SPOCK3: variants seen among roughly 807,000 people sequenced by gnomAD.
The protein encoded by SPOCK3 is testican-3.
Under a neutral mutation model 56.6 loss-of-function variants are expected in SPOCK3, and 30 were observed. The observed-to-expected ratio is 0.53, with a 90% CI of 0.40 to 0.72. The LOEUF is 0.72. SPOCK3 is among the 30% of genes least tolerant of loss of function. The probability of loss-of-function intolerance (pLI) is 0.00; values close to 1 mark genes in which losing one functional copy is unlikely to be tolerated. For missense variants in SPOCK3, 527 were observed against 530.0 expected, an observed-to-expected ratio of 0.99 and a Z score of 0.06; for synonymous variants, 196 against 183.3, an observed-to-expected ratio of 1.07 and a Z score of -0.56.
intron 4 of SPOCK3, among the ~76,000 whole-genome samples, chr4:166,953,633 C>T (rs1386388974): frequency 6.6e-6 from 1 of 152,164 alleles, no homozygotes; most frequent in Non-Finnish European, 1.5e-5. Flanking sequence ...GACACATGCA[C>T]ATGTATGTTT....
intron 6 of SPOCK3, among the ~76,000 whole-genome samples, chr4:166,875,007 C>A (rs1288499771): frequency 6.6e-6 from 1 of 152,086 alleles, no homozygotes; most frequent in Non-Finnish European, 1.5e-5. Context: ...GCTATGCTTA[C>A]ATATGGCTAA....
At chr4:166,977,123 T>C (rs1456022528) in intron 4 of SPOCK3, among the ~76,000 whole-genome samples, 1 of 152,070 alleles carries the variant, frequency 6.6e-6, no homozygotes, top group Admixed American at 6.6e-5. Context: ...TTTAATGCAA[T>C]TAAATGTGGA....
chr4:166,934,477 G>A (rs1013381947), intron 4 of SPOCK3, among the ~76,000 whole-genome samples: 1 of 151,800 alleles, frequency 6.6e-6, no homozygotes, highest in Non-Finnish European at 1.5e-5. Flanking sequence ...CAGCCTGGGC[G>A]ACAGAGCGAG....
At chr4:167,014,427 C>A (rs1237513136) in intron 3 of SPOCK3, among the ~76,000 whole-genome samples, 1 of 152,006 alleles carries the variant, frequency 6.6e-6, no homozygotes, top group Non-Finnish European at 1.5e-5. Flanking sequence ...AGGAGGATTG[C>A]TTGAGGCCTG....
In SPOCK3 at chr4:167,164,281, T is replaced by TG. The variant is rs1252666272; in HGVS notation, c.189+69703_189+69704insC. Among the ~76,000 whole-genome samples the TG allele has an allele frequency of 2.0e-5, 3 of 152,264 alleles. No individual in the cohort carries two copies. In the East Asian group the frequency reaches 5.8e-4, roughly 29 times the overall value. On this transcript the variant is annotated intron_variant, in intron 2 of 10. Transcript: ENST00000357545. Reference sequence around the variant, plus strand: ...CAGCATATTCACATATATACCATAATCATGTGAGGTTTTATGATTAATGTG... The same window carrying TG: ...CAGCATATTCACATATATACCATAATGCATGTGAGGTTTTATGATTAATGTG...
intron 4 of SPOCK3, among the ~76,000 whole-genome samples, chr4:166,947,218 T>A (rs1263802544): frequency 6.6e-6 from 1 of 152,190 alleles, no homozygotes; most frequent in African/African-American, 2.4e-5. Flanking sequence ...ATTGCAATTA[T>A]ATAGTCAACC....
Position 167,062,272 on chromosome 4 carries a change from T to A in SPOCK3, c.235+220A>T, listed in dbSNP as rs573927246. ...CCAAATCAGTCATCTAAAACATGTATCTAAAAATAAAAGACATCCTGACAT... is the reference window on the plus strand; with the variant it reads ...CCAAATCAGTCATCTAAAACATGTAACTAAAAATAAAAGACATCCTGACAT... On this transcript the variant is annotated intron_variant, in intron 3 of 10. Coordinates refer to ENST00000357545, the MANE Select transcript of SPOCK3 (RefSeq NM_001040159.2). 4.1e-3 allele frequency among the ~76,000 whole-genome samples: 627 copies of A among 151,908 alleles called. 3 individuals are homozygous for A. Among genetic ancestry groups the A allele is most frequent in the Middle Eastern group, 6.8e-3 (2 of 294 alleles).
chr4:167,088,186 T>C (rs1047244871), intron 2 of SPOCK3, among the ~76,000 whole-genome samples: 5 of 152,146 alleles, frequency 3.3e-5, no homozygotes, highest in Admixed American at 6.5e-5. Context: ...AACATGGATT[T>C]CTGGTTACAT....
chr4:167,180,469 C>T (rs1731358022), intron 2 of SPOCK3, among the ~76,000 whole-genome samples: 1 of 152,106 alleles, frequency 6.6e-6, no homozygotes, highest in Non-Finnish European at 1.5e-5. Flanking sequence ...AGTTTCATTA[C>T]CCGTGAGGAG....
intron 6 of SPOCK3, among the ~76,000 whole-genome samples, chr4:166,850,490 C>T (rs1748562404): frequency 6.6e-6 from 1 of 152,198 alleles, no homozygotes; most frequent in African/African-American, 2.4e-5. Context: ...GGAACAGCTC[C>T]CATCTACAGC....
chr4:167,109,097 T>A (rs1279624545), intron 2 of SPOCK3, among the ~76,000 whole-genome samples: 1 of 14 alleles, frequency 0.071, no homozygotes, highest in African/African-American at 0.5. Flanking sequence ...ATATAAATAT[T>A]ATATATTTAT....
At chr4:166,856,755 C>G (rs770841545) in intron 6 of SPOCK3, among the ~76,000 whole-genome samples, 55 of 151,082 alleles carry the variant, frequency 3.6e-4, no homozygotes, top group Non-Finnish European at 1.5e-5. Flanking sequence ...GCCTAGGTGA[C>G]AGAGCAAGGC....
chr4:166,953,245 A>T (rs1445676671), intron 4 of SPOCK3, among the ~76,000 whole-genome samples: 2 of 152,076 alleles, frequency 1.3e-5, no homozygotes, highest in African/African-American at 2.4e-5. Flanking sequence ...CAAGAAAAAA[A>T]CAAACAACCC....
intron 2 of SPOCK3, among the ~76,000 whole-genome samples, chr4:167,177,786 A>G (rs1233556361): frequency 6.6e-6 from 1 of 152,078 alleles, no homozygotes; most frequent in Non-Finnish European, 1.5e-5. Flanking sequence ...ATCTTTACAC[A>G]GGTCCAGAAT....
intron 5 of SPOCK3, among the ~76,000 whole-genome samples, chr4:166,903,032 T>G (rs1736223662): frequency 1.3e-5 from 2 of 149,648 alleles, no homozygotes; most frequent in African/African-American, 2.4e-5. Flanking sequence ...TCCTGTTAGC[T>G]TGCTTCATTT....
At chr4:167,135,983 A>G (rs1297434770) in intron 2 of SPOCK3, among the ~76,000 whole-genome samples, 1 of 152,160 alleles carries the variant, frequency 6.6e-6, no homozygotes, top group Non-Finnish European at 1.5e-5. Flanking sequence ...CAAACAGTGA[A>G]GGGATACAAA....
At chr4:167,165,352 A>G (rs1462231038) in intron 2 of SPOCK3, among the ~76,000 whole-genome samples, 2 of 152,162 alleles carry the variant, frequency 1.3e-5, no homozygotes. Context: ...AAGGATCTTA[A>G]ATAAATGTAC....
chr4:167,184,067 G>A (rs887862543), intron 2 of SPOCK3, among the ~76,000 whole-genome samples: 7 of 152,136 alleles, frequency 4.6e-5, no homozygotes, highest in East Asian at 3.9e-4. Flanking sequence ...CTTGTTAAAT[G>A]TATATACACT....
intron 6 of SPOCK3, among the ~76,000 whole-genome samples, chr4:166,838,287 G>C (rs1254525968): frequency 1.3e-5 from 2 of 152,106 alleles, no homozygotes; most frequent in Non-Finnish European, 2.9e-5. Flanking sequence ...TTCTGTCAAA[G>C]ACTCAAATGA....
Sources: gnomAD v4.1 joint callset for allele counts (sites outside exome capture counted in the v4.1 genomes callset) on GRCh38, gnomAD v4.1.1 for gene constraint, MANE v1.5 for transcripts, NCBI Gene and HGNC (gene_info 2026-07-23, HGNC 2026-07-21) for gene names.